ANKRD6: variants seen among roughly 807,000 people sequenced by gnomAD.
The protein encoded by ANKRD6 is ankyrin repeat domain 6.
A neutral mutation model predicts 82.3 loss-of-function variants in ANKRD6; 56 were observed. The observed-to-expected ratio is 0.68, with a 90% confidence interval of 0.55 to 0.85. The LOEUF (loss-of-function observed/expected upper bound fraction) is 0.85, where lower values mean the gene tolerates loss of function less well. ANKRD6 is among the 40% of genes least tolerant of loss of function. The pLI is 0.00. For synonymous variants in ANKRD6, 347 were observed against 352.1 expected, an observed-to-expected ratio of 0.99 and a Z score of 0.16; for missense variants, 852 against 907.6, an observed-to-expected ratio of 0.94 and a Z score of 0.79.
At chr6:89,574,085 A>G (rs2128097705) in intron 2 of ANKRD6, among the ~76,000 whole-genome samples, 1 of 152,330 alleles carries the variant, frequency 6.6e-6, no homozygotes, top group East Asian at 1.9e-4. Context: ...ACAGAGGAGA[A>G]AGGCACTGAA....
chr6:89,624,581 C>T lies in ANKRD6; in HGVS notation c.1261C>T (p.Leu421=). Reference sequence around the variant, plus strand: ...TCGATGTGAACCTCTAATCAACAAGCTGGAGAATCAGTTGGAGGCTACTGT... The same window carrying T: ...TCGATGTGAACCTCTAATCAACAAGTTGGAGAATCAGTTGGAGGCTACTGT... ...GCRCEPLINK[L]ENQLEATVEE... Residue 421 remains leucine (L), a synonymous_variant, in exon 13 of 16, where the codon CTG becomes TTG. Coordinates refer to ENST00000339746, the MANE Select transcript of ANKRD6 (RefSeq NM_001242809.2). 6.4e-7 allele frequency: 1 copy of T among 1,556,904 alleles called. No homozygotes were observed. Among genetic ancestry groups the T allele is most frequent in the Non-Finnish European group, 8.7e-7 (1 of 1,149,784 alleles).
chr6:89,617,941 T>C lies in ANKRD6; in HGVS notation c.715-13T>C. 1 of 1,613,726 alleles carries C rather than the reference T, an allele frequency of 6.2e-7. No homozygotes were observed. Among genetic ancestry groups the C allele is most frequent in the Non-Finnish European group, 8.5e-7 (1 of 1,179,766 alleles). On this transcript the variant is annotated splice_polypyrimidine_tract_variant and intron_variant, in intron 8 of 15. Transcript: ENST00000339746. ...TGGCCCTTTCTCACCTGTCCTACTC[T>C]GCCTCTCCTCAGGCAGGCCAGACTC...
chr6:89,518,225 A>G (rs1227920196), intron 1 of ANKRD6, among the ~76,000 whole-genome samples: 1 of 151,972 alleles, frequency 6.6e-6, no homozygotes, highest in Non-Finnish European at 1.5e-5. Flanking sequence ...CAACATGGAG[A>G]AACCCCGCCT....
chr6:89,523,550 T>G (rs1189502987), intron 1 of ANKRD6, among the ~76,000 whole-genome samples: 3 of 152,206 alleles, frequency 2.0e-5, no homozygotes, highest in Non-Finnish European at 4.4e-5. Context: ...TTCTCCTGCC[T>G]AGAGAAGAGC....
intron 1 of ANKRD6, among the ~76,000 whole-genome samples, chr6:89,444,207 C>T (rs1432220378): frequency 1.3e-5 from 2 of 152,162 alleles, no homozygotes; most frequent in Non-Finnish European, 2.9e-5. Context: ...AGGTACTATC[C>T]TGAGTTACAG....
intron 5 of ANKRD6, 80 bp downstream of exon 5, chr6:89,606,185 C>G: frequency 8.3e-7 from 1 of 1,204,302 alleles, no homozygotes; most frequent in South Asian, 1.6e-5. Context: ...GAGCCTTCTT[C>G]CAGTGAGAAG....
At chr6:89,612,229 G>A in intron 5 of ANKRD6, 43 bp from the exon 6 acceptor site, 1 of 1,523,942 alleles carries the variant, frequency 6.6e-7, no homozygotes, top group Non-Finnish European at 8.9e-7. Context: ...CTGTGCGGAA[G>A]CATGTTGCTA....
chr6:89,546,133 A>G (rs1785068976), intron 1 of ANKRD6, among the ~76,000 whole-genome samples: 1 of 152,152 alleles, frequency 6.6e-6, no homozygotes, highest in Non-Finnish European at 1.5e-5. Flanking sequence ...ACCATCTATC[A>G]GAGAGATAGT....
chr6:89,593,702 G>A (rs533151094), intron 2 of ANKRD6, among the ~76,000 whole-genome samples: 1 of 152,240 alleles, frequency 6.6e-6, no homozygotes, highest in Non-Finnish European at 1.5e-5. Context: ...AAAGGCCTTT[G>A]GGAAGACCTT....
chr6:89,620,549 G>C (rs17735590), intron 9 of ANKRD6, among the ~76,000 whole-genome samples: 19,111 of 152,092 alleles, frequency 0.13, 1,264 homozygotes, highest in South Asian at 0.17. Context: ...CAGACTTCTT[G>C]GTCTAAGGAC....
intron 2 of ANKRD6, among the ~76,000 whole-genome samples, chr6:89,582,077 A>G (rs1007262459): frequency 3.8e-4 from 58 of 152,350 alleles, no homozygotes; most frequent in Middle Eastern, 3.4e-3. Flanking sequence ...AGATTAACAT[A>G]TGGTGCTAAT....
At chr6:89,629,051 T>C in intron 14 of ANKRD6, 61 bp from the exon 15 acceptor site, 1 of 1,532,674 alleles carries the variant, frequency 6.5e-7, no homozygotes, top group Non-Finnish European at 8.8e-7. Context: ...TCATAAACCA[T>C]GTATCAAATT....
intron 1 of ANKRD6, among the ~76,000 whole-genome samples, chr6:89,485,956 ATG>A (rs1777317578): frequency 6.6e-6 from 1 of 152,224 alleles, no homozygotes; most frequent in Non-Finnish European, 1.5e-5. Flanking sequence ...GTTTTAATTA[ATG>A]TGTTATTTTC....
chr6:89,570,928 A>G (rs956892718), intron 2 of ANKRD6, among the ~76,000 whole-genome samples: 5 of 152,128 alleles, frequency 3.3e-5, no homozygotes, highest in African/African-American at 9.7e-5. Flanking sequence ...TGGTAGTTCT[A>G]TTTTTAAAGT....
intron 6 of ANKRD6, among the ~76,000 whole-genome samples, 155 bp from the exon 7 acceptor site, chr6:89,613,637 C>T (rs938268758): frequency 6.6e-6 from 1 of 152,150 alleles, no homozygotes; most frequent in African/African-American, 2.4e-5. Flanking sequence ...GAATGGCGAG[C>T]CTTGGGGTGG....
intron 2 of ANKRD6, among the ~76,000 whole-genome samples, chr6:89,591,116 T>C (rs1463738968): frequency 1.3e-5 from 2 of 152,148 alleles, no homozygotes; most frequent in Non-Finnish European, 1.5e-5. Context: ...TTTCTTTCTT[T>C]TTTTAAGGAG....
At chr6:89,496,721 G>C (rs1377912834) in intron 1 of ANKRD6, among the ~76,000 whole-genome samples, 1 of 151,964 alleles carries the variant, frequency 6.6e-6, no homozygotes, top group Non-Finnish European at 1.5e-5. Flanking sequence ...ATGGGGTTTT[G>C]CCATGTTGGC....
chr6:89,438,621 T>A (rs1770946422), intron 1 of ANKRD6, among the ~76,000 whole-genome samples: 1 of 152,206 alleles, frequency 6.6e-6, no homozygotes, highest in African/African-American at 2.4e-5. Context: ...GTCAATTAAG[T>A]GTAACTGCCT....
intron 1 of ANKRD6, among the ~76,000 whole-genome samples, chr6:89,487,758 T>C (rs1460120764): frequency 6.6e-6 from 1 of 152,172 alleles, no homozygotes; most frequent in African/African-American, 2.4e-5. Context: ...TGTTTATGTG[T>C]GAGAGGATGT....
Sources: gnomAD v4.1 joint callset for allele counts (sites outside exome capture counted in the v4.1 genomes callset) on GRCh38, gnomAD v4.1.1 for gene constraint, MANE v1.5 for transcripts, NCBI Gene and HGNC (gene_info 2026-07-23, HGNC 2026-07-21) for gene names.